NAV2: variants seen among roughly 807,000 people sequenced by gnomAD.
The protein encoded by NAV2 is neuron navigator 2.
NAV2 carries 54 observed loss-of-function variants against 223.2 expected under a neutral mutation model. The observed-to-expected ratio is 0.24, with a 90% CI of 0.19 to 0.30. The LOEUF is 0.30. NAV2 is among the 10% of genes least tolerant of loss of function. The probability of loss-of-function intolerance (pLI) is 1.00; values close to 1 mark genes in which losing one functional copy is unlikely to be tolerated. For missense variants in NAV2, 2,806 were observed against 3,147.5 expected (o/e 0.89, Z 2.60); for synonymous variants, 1,279 against 1,239.3 (o/e 1.03, Z -0.67).
chr11:19,426,000 G>C (rs10766557), intron 1 of NAV2, among the ~76,000 whole-genome samples: 49,852 of 152,060 alleles, frequency 0.33, 8,418 homozygotes, highest in South Asian at 0.44. Flanking sequence ...GAGTTACTGA[G>C]AGTTCTGATT....
At chr11:19,417,232 A>G (rs1449231716) in intron 1 of NAV2, among the ~76,000 whole-genome samples, 1 of 152,232 alleles carries the variant, frequency 6.6e-6, no homozygotes, top group East Asian at 1.9e-4. Flanking sequence ...TCTATAAGGA[A>G]CTTCAACAAA....
At chr11:19,834,847 A>G (rs1276376262) in intron 2 of NAV2, among the ~76,000 whole-genome samples, 2 of 152,200 alleles carry the variant, frequency 1.3e-5, no homozygotes, top group Admixed American at 1.3e-4. Context: ...GAGGATATTC[A>G]TGCTTGTTTT....
At chr11:19,702,779 A>AAAT (rs199504956) in intron 1 of NAV2, among the ~76,000 whole-genome samples, 1,443 of 79,306 alleles carry the variant, frequency 0.018, 33 homozygotes, top group African/African-American at 0.043. Context: ...CCCTGTCTCA[A>AAAT]AATAATAATA....
rs528778172 is a variant in NAV2, at chr11:19,998,328, G to C, written c.2768+14081G>C. Among the ~76,000 whole-genome samples the C allele has an allele frequency of 1.1e-3, 161 of 151,922 alleles. 4 individuals are homozygous for C. In the South Asian group the frequency reaches 0.016, roughly 15 times the overall value. ...CTCCTTCTCTCTCATTGGCCATGGT[G>C]CAGGGGTCTAGGCTGCCGTCCTCTC... On this transcript the variant is annotated intron_variant, in intron 11 of 37. Coordinates refer to ENST00000349880, the MANE Select transcript of NAV2 (RefSeq NM_145117.5). This position sits in a 1 kb window ranked among gnomAD's most constrained non-coding sequence, Gnocchi z 5.0.
At chr11:19,587,381 G>C (rs1028166145) in intron 1 of NAV2, among the ~76,000 whole-genome samples, 7 of 152,142 alleles carry the variant, frequency 4.6e-5, no homozygotes, top group Non-Finnish European at 7.3e-5. Flanking sequence ...CTGCCCCACT[G>C]TCCTGTACCC....
intron 1 of NAV2, among the ~76,000 whole-genome samples, chr11:19,449,403 A>C (rs915915986): frequency 6.6e-6 from 1 of 152,040 alleles, no homozygotes; most frequent in Non-Finnish European, 1.5e-5. Flanking sequence ...TCTCAAAAAA[A>C]AAAAAAAATG....
chr11:20,043,801 C>CT, intron 12 of NAV2, 180 bp from the exon 13 acceptor site: 1 of 542,608 alleles, frequency 1.8e-6, no homozygotes, highest in South Asian at 2.8e-5. Context: ...ATTTTTTTTT[C>CT]CAAAAAAAAA....
chr11:19,439,623 G>A (rs1483530846), intron 1 of NAV2, among the ~76,000 whole-genome samples: 1 of 152,206 alleles, frequency 6.6e-6, no homozygotes, highest in Non-Finnish European at 1.5e-5. Flanking sequence ...CATGATACCT[G>A]TGTTTATTTT....
intron 10 of NAV2, among the ~76,000 whole-genome samples, chr11:19,969,963 A>C (rs1235396448): frequency 2.6e-5 from 4 of 152,080 alleles, no homozygotes; most frequent in Non-Finnish European, 5.9e-5. Flanking sequence ...AAAAGAAAAA[A>C]AGAAAAAAGA....
chr11:19,567,756 A>G (rs901569), intron 1 of NAV2, among the ~76,000 whole-genome samples: 4,223 of 152,190 alleles, frequency 0.028, 188 homozygotes, highest in East Asian at 0.14. Flanking sequence ...CTATTCTGCA[A>G]TCTGGAACTC....
At chr11:19,827,208 G>A (rs1173265852) in intron 1 of NAV2, among the ~76,000 whole-genome samples, 1 of 152,178 alleles carries the variant, frequency 6.6e-6, no homozygotes, top group Non-Finnish European at 1.5e-5. Flanking sequence ...TGTGGTATGT[G>A]TAGGTGTATC....
intron 36 of NAV2, chr11:20,114,234 T>C: frequency 6.4e-6 from 2 of 314,586 alleles, no homozygotes; most frequent in Non-Finnish European, 1.2e-5. Flanking sequence ...ACCATGGATG[T>C]TGGCAAATGC....
intron 1 of NAV2, among the ~76,000 whole-genome samples, chr11:19,573,537 C>A (rs2045483405): frequency 6.6e-6 from 1 of 152,184 alleles, no homozygotes; most frequent in African/African-American, 2.4e-5. Context: ...CCTGGTACAG[C>A]TGAGCTTCAC....
intron 11 of NAV2, among the ~76,000 whole-genome samples, chr11:20,017,046 T>A (rs2449496): frequency 0.99 from 150,185 of 152,234 alleles, 74,113 homozygotes; most frequent in East Asian, 1. Context: ...GAAAAAGAAC[T>A]TTAACAGGAA....
intron 1 of NAV2, among the ~76,000 whole-genome samples, chr11:19,785,334 G>A (rs1302633736): frequency 6.6e-6 from 1 of 152,208 alleles, no homozygotes; most frequent in African/African-American, 2.4e-5. Flanking sequence ...GACTGGCAAA[G>A]CAAAGATTAT....
At chr11:19,365,540 A>G (rs188988791) in intron 1 of NAV2, among the ~76,000 whole-genome samples, 3 of 152,368 alleles carry the variant, frequency 2.0e-5, no homozygotes, top group Admixed American at 2.0e-4. Context: ...AGAAAATACA[A>G]GCACTTAGCA....
In NAV2 at chr11:20,005,238, C is replaced by CATATAT. The variant is rs748368788; in HGVS notation, c.2768+21002_2768+21007dup. Among the ~76,000 whole-genome samples, 79 of 80,898 alleles carry CATATAT rather than the reference C, an allele frequency of 9.8e-4. 1 individual carries two copies. Among genetic ancestry groups the CATATAT allele is most frequent in the African/African-American group, 2.2e-3 (71 of 32,930 alleles). 53.1% of individuals were successfully genotyped at this position (80,898 alleles called of 152,430 possible). On this transcript the variant is annotated intron_variant, in intron 11 of 37. Transcript: ENST00000349880. The stretch of plus-strand genomic sequence containing the variant: ...CCAAGTGATTCTGCTGAGTTTTAAT[C>CATATAT]ATATATATATATATATTTTTTTTTT...
At chr11:20,048,603 A>T in intron 14 of NAV2, 125 bp from the exon 15 acceptor site, 1 of 776,176 alleles carries the variant, frequency 1.3e-6, no homozygotes, top group South Asian at 1.8e-5. Context: ...TAGCCATTTC[A>T]GTAGGAATGG....
intron 6 of NAV2, among the ~76,000 whole-genome samples, chr11:19,904,528 C>CAGGG (rs2042708683): frequency 6.6e-6 from 1 of 152,142 alleles, no homozygotes; most frequent in Non-Finnish European, 1.5e-5. Context: ...TTGCAGGGTC[C>CAGGG]ATTGTGCCCA....
Sources: gnomAD v4.1 joint callset for allele counts (sites outside exome capture counted in the v4.1 genomes callset) on GRCh38, gnomAD v4.1.1 for gene constraint, Gnocchi (gnomAD v3.1) non-coding constraint, MANE v1.5 for transcripts, NCBI Gene and HGNC (gene_info 2026-07-23, HGNC 2026-07-21) for gene names.